Variants in POLA1 observed in about 807,000 individuals in gnomAD.
POLA1 encodes the protein DNA polymerase alpha 1, catalytic subunit.
POLA1 carries 15 observed loss-of-function variants against 124.0 expected under a neutral mutation model. The observed-to-expected ratio is 0.12, with a 90% CI of 0.08 to 0.19. The LOEUF is 0.19. Among genes scored for constraint, POLA1 ranks in the 10% least tolerant of loss-of-function variants. The probability of loss-of-function intolerance (pLI) is 1.00; values close to 1 mark genes in which losing one functional copy is unlikely to be tolerated. For synonymous variants in POLA1, 408 were observed against 389.4 expected (o/e 1.05, Z -0.56); for missense variants, 886 against 1,103.4 (o/e 0.80, Z 2.79).
chrX:24,832,547 G>A (rs1292418823), intron 32 of POLA1, among the ~76,000 whole-genome samples: 2 of 111,828 alleles, frequency 1.8e-5, no homozygotes. Flanking sequence ...AACACTTAGA[G>A]GTTTTAAAGG....
chrX:24,729,562 G>A (rs1264092054), intron 15 of POLA1, among the ~76,000 whole-genome samples: 2 of 111,591 alleles, frequency 1.8e-5, no homozygotes, highest in African/African-American at 3.3e-5. Context: ...ATGCCATAAT[G>A]GTTTACACAG....
intron 6 of POLA1, among the ~76,000 whole-genome samples, chrX:24,715,583 TGTGC>T (rs1274442097): frequency 8.9e-6 from 1 of 112,360 alleles, no homozygotes; most frequent in Non-Finnish European, 1.9e-5. Context: ...CGTGAGCCAC[TGTGC>T]CCGGCCTGTT....
rs1431521698 is a variant in POLA1 at position 24,693,968 on chromosome X, C to G, written c.7C>G (p.Pro3Ala). 5.0e-6 allele frequency: 6 copies of G among 1,195,573 alleles called. No individual in the cohort carries two copies. The highest frequency in any genetic ancestry group is 6.8e-6 in the Non-Finnish European group (6 of 887,080). Reference sequence around the variant, plus strand: ...AATCGGGAGATTCGGGACCATGGCACCTGTGCACGGCGACGACTGTGAGAT... The same window carrying G: ...AATCGGGAGATTCGGGACCATGGCAGCTGTGCACGGCGACGACTGTGAGAT... MAPVHGDDCEIGA... is the reference protein window; with the variant it reads MAAVHGDDCEIGA... The change falls in exon 1 of 37, where the codon CCT (proline) becomes GCT (alanine). Residue 3 changes from proline to alanine, a missense_variant. Around this residue, in one of 7 missense-constraint regions of POLA1, gnomAD observed 49 missense variants for 39.2 expected, o/e 1.25. Coordinates refer to ENST00000379068, the MANE Select transcript of POLA1 (RefSeq NM_001330360.2).
At chrX:24,807,022 A>G (rs2045813064) in intron 26 of POLA1, among the ~76,000 whole-genome samples, 1 of 112,025 alleles carries the variant, frequency 8.9e-6, no homozygotes, top group Non-Finnish European at 1.9e-5. Context: ...ACATCCACCA[A>G]AAGATTTCTG....
intron 26 of POLA1, among the ~76,000 whole-genome samples, chrX:24,784,454 C>T (rs980923120): frequency 1.8e-4 from 20 of 110,593 alleles, no homozygotes; most frequent in African/African-American, 6.2e-4. Flanking sequence ...GAGGCTGAGG[C>T]GGGCCGATCA....
At chrX:24,855,621 C>T (rs1476448735) in intron 34 of POLA1, among the ~76,000 whole-genome samples, 1 of 111,919 alleles carries the variant, frequency 8.9e-6, no homozygotes, top group Non-Finnish European at 1.9e-5. Context: ...AAGAAAATTT[C>T]AGCTCTGAGG....
intron 24 of POLA1, among the ~76,000 whole-genome samples, chrX:24,747,138 T>C (rs1342632197): frequency 1.8e-5 from 2 of 111,084 alleles, no homozygotes; most frequent in African/African-American, 6.6e-5. Context: ...TCATGGCCTA[T>C]TTAAATGTGC....
At position 24,733,735 on chromosome X, in the gene POLA1, AT is replaced by A. The variant is rs758157161; in HGVS notation, c.1772-12del. ...GACTAAGATGGGTGTTGGAATCTTTATTTTTTTTCCTTTTTACAGTTGTGTC... is the reference window on the plus strand; with the variant it reads ...GACTAAGATGGGTGTTGGAATCTTTATTTTTTTCCTTTTTACAGTTGTGTC... On this transcript the variant is annotated intron_variant, in intron 16 of 36. Coordinates refer to ENST00000379068, the MANE Select transcript of POLA1 (RefSeq NM_001330360.2). 3.9e-5 allele frequency: 38 copies of A among 966,529 alleles called. No individual in the cohort carries two copies. The highest frequency in any genetic ancestry group is 4.9e-5 in the Non-Finnish European group (34 of 694,103). The allele number at this position is 966,529 out of a possible 1,213,427, so 79.7% of individuals were successfully genotyped here. A position where few individuals can be genotyped will look rare whatever the true frequency, so the allele number is the denominator to read the frequency against.
intron 34 of POLA1, among the ~76,000 whole-genome samples, chrX:24,856,282 A>G (rs930506287): frequency 5.3e-5 from 6 of 112,272 alleles, no homozygotes; most frequent in African/African-American, 1.6e-4. Context: ...AGAATGTCAT[A>G]TAAATAGACT....
chrX:24,708,957 G>A (rs1929034441), intron 4 of POLA1, among the ~76,000 whole-genome samples: 1 of 74,709 alleles, frequency 1.3e-5, no homozygotes, highest in Non-Finnish European at 2.8e-5. Flanking sequence ...TCCCAGTAGG[G>A]GCGGCCGGGC....
chrX:24,788,327 C>T, intron 26 of POLA1: 1 of 931,660 alleles, frequency 1.1e-6, no homozygotes, highest in Admixed American at 4.2e-5. Context: ...CCCACTTTTA[C>T]TACTTCTTTT....
intron 2 of POLA1, among the ~76,000 whole-genome samples, chrX:24,701,836 C>G (rs1271208771): frequency 4.8e-4 from 52 of 109,200 alleles, no homozygotes; most frequent in Non-Finnish European, 1.3e-4. Flanking sequence ...TCACTGCAAC[C>G]TCCACCTCCC....
At chrX:24,923,228 AT>A (rs1168029007) in intron 35 of POLA1, among the ~76,000 whole-genome samples, 1 of 112,103 alleles carries the variant, frequency 8.9e-6, no homozygotes, top group Non-Finnish European at 1.9e-5. Flanking sequence ...CCTAAAAAAA[AT>A]AAATTACCCG....
chrX:24,823,887 T>C (rs757032117), intron 31 of POLA1, among the ~76,000 whole-genome samples: 2 of 112,880 alleles, frequency 1.8e-5, no homozygotes, highest in South Asian at 7.3e-4. Context: ...TAATTTATAT[T>C]GTAGGTTGTT....
chrX:24,888,183 G>A, intron 35 of POLA1, 61 bp downstream of exon 35: 1 of 687,093 alleles, frequency 1.5e-6, no homozygotes, highest in Non-Finnish European at 2.4e-6. Flanking sequence ...CTTGCTTTGA[G>A]AAGTAGATAC....
At chrX:24,871,792 G>A (rs1436225089) in intron 34 of POLA1, among the ~76,000 whole-genome samples, 1 of 111,252 alleles carries the variant, frequency 9.0e-6, no homozygotes, top group Non-Finnish European at 1.9e-5. Context: ...ATTTAAATAA[G>A]ACTTATGTTA....
chrX:24,889,663 A>G (rs983277401), intron 35 of POLA1, among the ~76,000 whole-genome samples: 2 of 112,220 alleles, frequency 1.8e-5, no homozygotes, highest in Non-Finnish European at 3.8e-5. Context: ...AAGGGTTGAT[A>G]CACAGACTAG....
intron 24 of POLA1, among the ~76,000 whole-genome samples, chrX:24,747,280 C>T (rs1467003813): frequency 9.2e-6 from 1 of 109,191 alleles, no homozygotes; most frequent in Admixed American, 9.8e-5. Context: ...ATTCTCCTGC[C>T]TCAGCCTCCC....
rs1378402136 is a variant in POLA1, at chrX:24,746,571, A to T, written c.2691+1029A>T. ...GAATCATTTTCATACATGGTACCTC[A>T]GAACAGTTAGTGTCACACAGGTAGT... On this transcript the variant is annotated intron_variant, in intron 24 of 36. Coordinates refer to ENST00000379068, the MANE Select transcript of POLA1 (RefSeq NM_001330360.2). 8.9e-5 allele frequency among the ~76,000 whole-genome samples: 10 copies of T among 112,178 alleles called. No homozygotes were observed. In the Admixed American group the frequency reaches 9.5e-4, roughly 11 times the overall value.
Sources: allele counts gnomAD v4.1 joint callset (sites outside exome capture counted in the v4.1 genomes callset), GRCh38; gene constraint gnomAD v4.1.1; regional missense constraint gnomAD v4.1.1; transcripts MANE v1.5; gene names NCBI Gene and HGNC (gene_info 2026-07-23, HGNC 2026-07-21).